Variants in RNF150 observed in about 807,000 individuals in gnomAD.
RNF150 encodes the protein ring finger protein 150.
Under a neutral mutation model 39.3 loss-of-function variants are expected in RNF150, and 24 were observed. The observed-to-expected ratio is 0.61, with a 90% CI of 0.44 to 0.86. The LOEUF (loss-of-function observed/expected upper bound fraction) is 0.86. Among genes scored for constraint, RNF150 ranks in the 40% least tolerant of loss-of-function variants. The pLI, the probability that RNF150 is intolerant of heterozygous loss-of-function variation, is 0.00. For missense variants in RNF150, 502 were observed against 587.8 expected, an observed-to-expected ratio of 0.85 and a Z score of 1.51; for synonymous variants, 255 against 227.3, an observed-to-expected ratio of 1.12 and a Z score of -1.10.
At chr4:141,029,359 C>G (rs1735838794) in intron 1 of RNF150, among the ~76,000 whole-genome samples, 1 of 152,160 alleles carries the variant, frequency 6.6e-6, no homozygotes, top group Non-Finnish European at 1.5e-5. Context: ...CAGACATTCT[C>G]CTTCACAAAC....
chr4:141,030,192 TA>T (rs879912770), intron 1 of RNF150, among the ~76,000 whole-genome samples: 220 of 123,030 alleles, frequency 1.8e-3, no homozygotes, highest in Admixed American at 1.9e-3. Context: ...AGACTCCGTC[TA>T]AAAAAAAAAA....
At chr4:141,010,387 A>T (rs62326022) in intron 1 of RNF150, among the ~76,000 whole-genome samples, 22,726 of 152,158 alleles carry the variant, frequency 0.15, 1,889 homozygotes, top group Middle Eastern at 0.24. Flanking sequence ...TCAGGTTGAA[A>T]CTAAAGACCA....
intron 1 of RNF150, among the ~76,000 whole-genome samples, chr4:141,096,070 A>G (rs1365018253): frequency 6.6e-6 from 1 of 151,720 alleles, no homozygotes; most frequent in Admixed American, 6.6e-5. Context: ...GCAGGAGAGG[A>G]TTAATGGCCA....
intron 1 of RNF150, among the ~76,000 whole-genome samples, chr4:141,159,739 C>T (rs773407060): frequency 6.6e-6 from 1 of 151,992 alleles, no homozygotes. Flanking sequence ...CGCAGGGTTT[C>T]GTCATGTTTG....
At chr4:141,043,928 G>C (rs1053264834) in intron 1 of RNF150, among the ~76,000 whole-genome samples, 5 of 152,124 alleles carry the variant, frequency 3.3e-5, no homozygotes, top group African/African-American at 1.2e-4. Flanking sequence ...AAGGATCACA[G>C]AGAATCCAAG....
intron 4 of RNF150, among the ~76,000 whole-genome samples, chr4:140,945,470 A>G (rs1488861223): frequency 1.3e-5 from 2 of 151,116 alleles, no homozygotes; most frequent in African/African-American, 4.8e-5. Context: ...TATGACTTGG[A>G]TATTATGCAG....
intron 1 of RNF150, among the ~76,000 whole-genome samples, chr4:141,167,570 G>A (rs1008340368): frequency 6.6e-6 from 1 of 151,856 alleles, no homozygotes; most frequent in Non-Finnish European, 1.5e-5. Context: ...AACCACCATA[G>A]CATGGTACTG....
At chr4:140,998,163 C>G (rs149519082) in intron 1 of RNF150, among the ~76,000 whole-genome samples, 19 of 152,268 alleles carry the variant, frequency 1.2e-4, no homozygotes, top group Non-Finnish European at 2.1e-4. Flanking sequence ...AGTCCAGTTG[C>G]CCGCAGATTT....
intron 1 of RNF150, among the ~76,000 whole-genome samples, chr4:141,207,373 C>A (rs1242961805): frequency 6.6e-6 from 1 of 152,084 alleles, no homozygotes; most frequent in African/African-American, 2.4e-5. Context: ...GGAAAAAAAT[C>A]AGAGGGATGA....
rs1726922957 is a variant in RNF150, at chr4:141,132,500, G to A, written c.309C>T (p.Asp103=). 3.1e-6 allele frequency: 5 copies of A among 1,606,176 alleles called. No individual in the cohort carries two copies. Among genetic ancestry groups the A allele is most frequent in the Non-Finnish European group, 4.2e-6 (5 of 1,177,226 alleles). The stretch of plus-strand genomic sequence containing the variant: ...TCGGGGCGGCGAACTTGGTGTTGGG[G>A]TCGCAGGCCAGGCGGTCGTGGGCCG... The part of the protein sequence containing the change: ...ASSAHDRLAC[D]PNTKFAAPTR... The change falls in exon 1 of 7, where the codon GAC becomes GAT. Residue 103 remains aspartate, a synonymous_variant. Coordinates refer to ENST00000515673, the MANE Select transcript of RNF150 (RefSeq NM_020724.2). This position sits in a 1 kb window ranked among gnomAD's most constrained non-coding sequence, Gnocchi z 4.9.
intron 1 of RNF150, among the ~76,000 whole-genome samples, chr4:141,071,538 A>C (rs1425718503): frequency 2.0e-5 from 3 of 152,002 alleles, no homozygotes; most frequent in Non-Finnish European, 4.4e-5. Context: ...CAAAGGAGGA[A>C]ATTTGTTGCT....
chr4:140,972,847 T>G (rs976680339), intron 1 of RNF150, among the ~76,000 whole-genome samples: 2 of 152,142 alleles, frequency 1.3e-5, no homozygotes, highest in African/African-American at 4.8e-5. Flanking sequence ...TGATAATAAG[T>G]ATCATTAAGA....
At chr4:140,936,594 A>T (rs908659510) in intron 4 of RNF150, among the ~76,000 whole-genome samples, 1 of 152,188 alleles carries the variant, frequency 6.6e-6, no homozygotes, top group African/African-American at 2.4e-5. Context: ...GGAGGAAGAG[A>T]TAAGAACACA....
chr4:141,082,745 C>T (rs1288192607), intron 1 of RNF150, among the ~76,000 whole-genome samples: 2 of 151,874 alleles, frequency 1.3e-5, no homozygotes, highest in Non-Finnish European at 2.9e-5. Context: ...CCCGCCACTA[C>T]GCCCGGCTAA....
chr4:140,962,065 TTC>T (rs70946717), intron 2 of RNF150, among the ~76,000 whole-genome samples: 12 of 149,114 alleles, frequency 8.0e-5, no homozygotes, highest in Admixed American at 6.7e-5. Context: ...TCTCTCTCTC[TTC>T]TCTCTCTCTC....
upstream of RNF150, among the ~76,000 whole-genome samples, chr4:141,134,075 A>G (rs1726982250): frequency 6.6e-6 from 1 of 152,226 alleles, no homozygotes; most frequent in Admixed American, 6.5e-5. Flanking sequence ...CTTATAGAAT[A>G]GGTGTTTTGT....
At chr4:141,009,263 T>G (rs1326354891) in intron 1 of RNF150, among the ~76,000 whole-genome samples, 1 of 152,228 alleles carries the variant, frequency 6.6e-6, no homozygotes, top group Non-Finnish European at 1.5e-5. Context: ...ACCATGTTAT[T>G]CATGTCCAGC....
intron 6 of RNF150, among the ~76,000 whole-genome samples, chr4:140,879,981 T>C (rs1367386730): frequency 1.3e-5 from 2 of 152,190 alleles, no homozygotes; most frequent in Non-Finnish European, 2.9e-5. Flanking sequence ...AATTGGATGC[T>C]TTTTATATAT....
At chr4:140,871,626 C>T (rs1728948453) in intron 6 of RNF150, among the ~76,000 whole-genome samples, 1 of 151,824 alleles carries the variant, frequency 6.6e-6, no homozygotes, top group Admixed American at 6.5e-5. Context: ...TTATGACTTT[C>T]ATATGGGTCC....
Sources: allele counts gnomAD v4.1 joint callset (sites outside exome capture counted in the v4.1 genomes callset), GRCh38; gene constraint gnomAD v4.1.1; non-coding constraint Gnocchi (gnomAD v3.1); transcripts MANE v1.5; gene names NCBI Gene and HGNC (gene_info 2026-07-23, HGNC 2026-07-21).